The following PLA2R1 variants were observed in gnomAD, a reference collection of about 807,000 sequenced individuals.
PLA2R1 encodes phospholipase A2 receptor 1, also known as secretory phospholipase A2 receptor.
In PLA2R1, 158 loss-of-function variants were observed where a neutral mutation model predicts 195.9. The observed-to-expected ratio is 0.81, with a 90% CI of 0.71 to 0.92. The LOEUF (loss-of-function observed/expected upper bound fraction) is 0.92, where lower values mean the gene tolerates loss of function less well. PLA2R1 is among the 40% of genes least tolerant of loss of function. PLA2R1 has a pLI of 0.00. For synonymous variants in PLA2R1, 586 were observed against 598.2 expected, an observed-to-expected ratio of 0.98 and a Z score of 0.30; for missense variants, 1,626 against 1,764.6, an observed-to-expected ratio of 0.92 and a Z score of 1.41.
At chr2:159,971,473 C>T (rs13006321) in intron 17 of PLA2R1, among the ~76,000 whole-genome samples, 31,719 of 126,334 alleles carry the variant, frequency 0.25, 3,868 homozygotes, top group Admixed American at 0.42. Context: ...CGTGTGTGCG[C>T]GCACACACAC....
At chr2:160,028,140 C>G in intron 6 of PLA2R1, 78 bp downstream of exon 6, 1 of 958,802 alleles carries the variant, frequency 1.0e-6, no homozygotes, top group Non-Finnish European at 1.6e-6. Context: ...GAATTATTAG[C>G]AAAAAATAGA....
At chr2:160,051,839 C>T (rs1323414391) in intron 1 of PLA2R1, among the ~76,000 whole-genome samples, 1 of 152,192 alleles carries the variant, frequency 6.6e-6, no homozygotes, top group African/African-American at 2.4e-5. Context: ...CCCTTCCTAC[C>T]TCTCTCTCTG....
intron 11 of PLA2R1, among the ~76,000 whole-genome samples, chr2:160,003,675 C>G (rs1467921709): frequency 6.6e-6 from 1 of 152,136 alleles, no homozygotes; most frequent in Non-Finnish European, 1.5e-5. Context: ...AGCTGCCACT[C>G]TCAAATTTTG....
At chr2:160,039,991 C>T (rs547847290) in intron 3 of PLA2R1, among the ~76,000 whole-genome samples, 8 of 151,360 alleles carry the variant, frequency 5.3e-5, no homozygotes, top group African/African-American at 1.5e-4. Context: ...ATGTGAAGTA[C>T]GTGTTAACTT....
rs562205603 is a variant in PLA2R1, at chr2:159,990,087, AT to A, written c.1835-2730del. On this transcript the variant is annotated intron_variant, in intron 11 of 29. Transcript: ENST00000283243. ...CCCAAAGAAGCAGTAAAGTGGTATAATAAAGGGAGACCAGGCTAAGGGAGAG... is the reference window on the plus strand; with the variant it reads ...CCCAAAGAAGCAGTAAAGTGGTATAAAAAGGGAGACCAGGCTAAGGGAGAG... Among the ~76,000 whole-genome samples, 358 of 152,296 alleles carry A rather than the reference AT, an allele frequency of 2.4e-3. 2 individuals are homozygous for A. Among genetic ancestry groups the A allele is most frequent in the African/African-American group, 7.9e-3 (328 of 41,556 alleles).
In PLA2R1 at chr2:159,953,530, G is replaced by A. The variant is rs142542870; in HGVS notation, c.3301+1669C>T. On this transcript the variant is annotated intron_variant, in intron 23 of 29. Transcript: ENST00000283243. ...TAAGTGTTATACATACATAAAGTGT[G>A]TGAGATGGCTATTACCACATTTTGC... Among the ~76,000 whole-genome samples, 90 of 152,368 alleles carry A rather than the reference G, an allele frequency of 5.9e-4. No homozygotes were observed. In the East Asian group the frequency reaches 0.016, roughly 27 times the overall value.
At chr2:159,926,837 G>T in the PLA2R1 span, among the ~76,000 whole-genome samples, 1 of 152,138 alleles carries the variant, frequency 6.6e-6, no homozygotes, top group African/African-American at 2.4e-5. Flanking sequence ...CAGTGTGTTT[G>T]CTGTTCCTGG....
At chr2:159,964,975 G>A (rs1427500893) in intron 20 of PLA2R1, among the ~76,000 whole-genome samples, 1 of 151,976 alleles carries the variant, frequency 6.6e-6, no homozygotes, top group South Asian at 2.1e-4. Context: ...TGCAGTGAGG[G>A]GAGATCATGT....
At chr2:159,944,293 G>A (rs574836566) in intron 28 of PLA2R1, among the ~76,000 whole-genome samples, 1 of 152,122 alleles carries the variant, frequency 6.6e-6, no homozygotes, top group Non-Finnish European at 1.5e-5. Flanking sequence ...AGCAGTACAG[G>A]CCACAGCAAT....
intron 11 of PLA2R1, among the ~76,000 whole-genome samples, chr2:160,000,711 C>T (rs1182660309): frequency 1.3e-5 from 2 of 151,812 alleles, no homozygotes; most frequent in African/African-American, 4.8e-5. Context: ...TACAAAGAAC[C>T]ACAAACCAAA....
chr2:160,021,303 A>C (rs1388300424), intron 7 of PLA2R1, among the ~76,000 whole-genome samples: 1 of 152,210 alleles, frequency 6.6e-6, no homozygotes, highest in Non-Finnish European at 1.5e-5. Context: ...AAAAATCATT[A>C]TATCAAAAAG....
chr2:159,972,987 AACT>A (rs1183895595), intron 17 of PLA2R1, among the ~76,000 whole-genome samples: 1 of 152,204 alleles, frequency 6.6e-6, no homozygotes, highest in Non-Finnish European at 1.5e-5. Context: ...CACTGCAACT[AACT>A]GTTATTTTTG....
intron 28 of PLA2R1, among the ~76,000 whole-genome samples, chr2:159,944,343 T>C (rs929039064): frequency 1.3e-5 from 2 of 152,170 alleles, no homozygotes; most frequent in Non-Finnish European, 2.9e-5. Flanking sequence ...TTGCTGTAAT[T>C]ATTATAGACA....
chr2:159,953,343 G>C (rs1300865590), intron 23 of PLA2R1, among the ~76,000 whole-genome samples: 8 of 152,294 alleles, frequency 5.3e-5, no homozygotes, highest in Admixed American at 5.2e-4. Context: ...AAAAGACTTT[G>C]GGCTCAAGCC....
rs148926223 is a variant in PLA2R1, at chr2:160,035,549, A to G, written c.668-2417T>C. Among the ~76,000 whole-genome samples the G allele has an allele frequency of 2.4e-3, 370 of 152,282 alleles. 2 individuals are homozygous for G. The highest frequency in any genetic ancestry group is 4.3e-3 in the Non-Finnish European group (291 of 68,008). ...ATTCTAATCTAAGGGCTAAAATCCT[A>G]TTGTTATATTCTTTACATCTTTGAT... On this transcript the variant is annotated intron_variant, in intron 3 of 29. Coordinates refer to ENST00000283243, the MANE Select transcript of PLA2R1 (RefSeq NM_007366.5).
chr2:159,961,019 C>G (rs576542225), intron 20 of PLA2R1, among the ~76,000 whole-genome samples: 6 of 152,206 alleles, frequency 3.9e-5, no homozygotes, highest in Non-Finnish European at 7.3e-5. Flanking sequence ...TCCCACCGCT[C>G]TCAGCTATCA....
Position 159,996,396 on chromosome 2 carries a change from G to A in PLA2R1, c.1835-9038C>T, listed in dbSNP as rs180925077. On this transcript the variant is annotated intron_variant, in intron 11 of 29. Coordinates refer to ENST00000283243, the MANE Select transcript of PLA2R1 (RefSeq NM_007366.5). ...TTCTTGCTTGGATGACTTCTGAAGA[G>A]CAGTCAGATATAATTCTAATCTTTG... Among the ~76,000 whole-genome samples the A allele has an allele frequency of 2.6e-5, 4 of 152,192 alleles. No homozygotes were observed. In the East Asian group the frequency reaches 7.7e-4, roughly 29 times the overall value.
rs61323503 is a variant in PLA2R1, at chr2:160,005,435, A to AAAAC, written c.1834+213_1834+216dup. ...GGGTGACAGAGCGAGACCTCGTCTC[A>AAAAC]AAACAAACAAACAAACAAACAAACA... On this transcript the variant is annotated intron_variant, in intron 11 of 29. Coordinates refer to ENST00000283243, the MANE Select transcript of PLA2R1 (RefSeq NM_007366.5). Among the ~76,000 whole-genome samples the AAAAC allele has an allele frequency of 3.2e-3, 486 of 151,384 alleles. 6 individuals are homozygous for AAAAC. The highest frequency in any genetic ancestry group is 0.013 in the East Asian group (65 of 5,110).
chr2:160,022,742 C>A lies in PLA2R1; in HGVS notation c.1217G>T (p.Cys406Phe). Residue 406 changes from cysteine to phenylalanine, a missense_variant, in exon 7 of 30, where the codon TGT becomes TTT. Transcript: ENST00000283243. ...EKTWHEALRSCQADNSALIDI... is the reference protein window; with the variant it reads ...EKTWHEALRSFQADNSALIDI... ...TATTAATGCACTGTTATCAGCCTGA[C>A]AAGAACGCAGAGCCTCATGCCAGGT... is the stretch of plus-strand genomic sequence containing the variant. The A allele has an allele frequency of 6.2e-7, 1 of 1,613,842 alleles. No individual in the cohort carries two copies. Among genetic ancestry groups the A allele is most frequent in the Non-Finnish European group, 8.5e-7 (1 of 1,179,744 alleles).
Sources: allele counts gnomAD v4.1 joint callset (sites outside exome capture counted in the v4.1 genomes callset), GRCh38; gene constraint gnomAD v4.1.1; transcripts MANE v1.5; gene names NCBI Gene and HGNC (gene_info 2026-07-23, HGNC 2026-07-21).